ZNRF2: variants seen among roughly 807,000 people sequenced by gnomAD.
ZNRF2 encodes zinc and ring finger 2.
ZNRF2 carries 16 observed loss-of-function variants against 20.4 expected under a neutral mutation model. The ratio of observed to expected loss-of-function variants is 0.79; its 90% CI spans 0.53 to 1.19. The LOEUF (loss-of-function observed/expected upper bound fraction) is 1.19, where lower values mean the gene tolerates loss of function less well. Ranked by LOEUF, ZNRF2 falls within the 50% of genes most tolerant of loss-of-function variation. The pLI is 0.00. For synonymous variants in ZNRF2, 178 were observed against 144.9 expected (o/e 1.23, Z -1.64); for missense variants, 363 against 332.4 (o/e 1.09, Z -0.72).
intron 3 of ZNRF2, among the ~76,000 whole-genome samples, chr7:30,357,618 T>C (rs182316551): frequency 1.3e-5 from 2 of 152,116 alleles, no homozygotes; most frequent in Admixed American, 6.5e-5. Flanking sequence ...AATTTTAAAA[T>C]GACACACTAG....
chr7:30,323,576 G>A, intron 1 of ZNRF2, 66 bp from the exon 2 acceptor site: 1 of 1,074,410 alleles, frequency 9.3e-7, no homozygotes, highest in Non-Finnish European at 1.3e-6. Context: ...GATTTTCCAT[G>A]CTTTTTAAAA....
At chr7:30,343,867 T>TTCTG (rs1419330766) in intron 2 of ZNRF2, among the ~76,000 whole-genome samples, 1 of 151,676 alleles carries the variant, frequency 6.6e-6, no homozygotes, top group Non-Finnish European at 1.5e-5. Flanking sequence ...TCATTATACT[T>TTCTG]TCTGGTTTCA....
chr7:30,312,295 A>T (rs976406629), intron 1 of ZNRF2, among the ~76,000 whole-genome samples: 1 of 152,100 alleles, frequency 6.6e-6, no homozygotes, highest in Non-Finnish European at 1.5e-5. Flanking sequence ...AGGATTTTTA[A>T]ATAGGTATTT....
At chr7:30,349,340 A>C (rs1799929628) in intron 2 of ZNRF2, among the ~76,000 whole-genome samples, 1 of 152,180 alleles carries the variant, frequency 6.6e-6, no homozygotes, top group Non-Finnish European at 1.5e-5. Flanking sequence ...AAGGATCCTA[A>C]GAGACAGGTC....
rs1467748395 is a variant in ZNRF2, at chr7:30,285,013, G to A, written c.-345G>A. ...GAGCGCGGCAGCAGAGAGCGGTAGC[G>A]GCCCGTCGTGGCGCACCAGAACCGA... On this transcript the variant is annotated 5_prime_UTR_variant, in exon 1 of 5. Transcript: ENST00000323037. 3.0e-5 allele frequency: 12 copies of A among 396,444 alleles called. No individual in the cohort carries two copies. Among genetic ancestry groups the A allele is most frequent in the South Asian group, 1.9e-4 (11 of 58,764 alleles). The allele number at this position is 396,444 out of a possible 1,614,324, so 24.6% of individuals were successfully genotyped here.
chr7:30,316,195 G>A (rs1426412160), intron 1 of ZNRF2, among the ~76,000 whole-genome samples: 1 of 144,210 alleles, frequency 6.9e-6, no homozygotes, highest in Non-Finnish European at 1.5e-5. Context: ...TGCTGAGGCA[G>A]GAGAACTGCT....
At chr7:30,351,917 C>T (rs559884148) in intron 2 of ZNRF2, among the ~76,000 whole-genome samples, 6 of 152,032 alleles carry the variant, frequency 3.9e-5, no homozygotes, top group Admixed American at 3.9e-4. Context: ...TAATAGGCGC[C>T]TAAGTTCCTG....
intron 1 of ZNRF2, among the ~76,000 whole-genome samples, chr7:30,298,925 ATTC>A (rs1799062275): frequency 6.6e-6 from 1 of 152,138 alleles, no homozygotes; most frequent in Non-Finnish European, 1.5e-5. Context: ...GAAAATTATT[ATTC>A]TTTAATTTTC....
At chr7:30,355,860 T>C in intron 3 of ZNRF2, 27 bp downstream of exon 3, 1 of 1,551,578 alleles carries the variant, frequency 6.4e-7, no homozygotes, top group Non-Finnish European at 8.9e-7. Context: ...GGTATTAGAG[T>C]AAAAGATTGT....
intron 1 of ZNRF2, among the ~76,000 whole-genome samples, chr7:30,307,550 A>T (rs182966864): frequency 1.6e-4 from 25 of 151,812 alleles, no homozygotes; most frequent in African/African-American, 6.0e-4. Flanking sequence ...AGTCCATTGA[A>T]TGATACTGTT....
At chr7:30,295,014 G>GGAGAGAGA (rs1161510140) in intron 1 of ZNRF2, among the ~76,000 whole-genome samples, 415 of 24,984 alleles carry the variant, frequency 0.017, 30 homozygotes, top group Admixed American at 0.034. Context: ...AGGGAGGGAA[G>GGAGAGAGA]GAGAGAGAGA....
intron 1 of ZNRF2, among the ~76,000 whole-genome samples, chr7:30,314,660 GTGCCTGCTTTTCT>G (rs1799340533): frequency 6.6e-6 from 1 of 152,064 alleles, no homozygotes; most frequent in Admixed American, 6.6e-5. Flanking sequence ...ATAAAAATGT[GTGCCTGCTTTTCT>G]TGCATTTTAT....
In ZNRF2 at chr7:30,334,970, G is replaced by A. The variant is rs541716773; in HGVS notation, c.565+11233G>A. 2.0e-5 allele frequency among the ~76,000 whole-genome samples: 3 copies of A among 151,982 alleles called. No homozygotes were observed. The South Asian group carries it at 6.2e-4, about 32-fold the overall frequency. ...ATGCTATAAAAGTACATGGATAAAT[G>A]TATTTATGTTGAGGTACTTTTTTTT... On this transcript the variant is annotated intron_variant, in intron 2 of 4. Transcript: ENST00000323037.
At chr7:30,312,328 A>G (rs1410057253) in intron 1 of ZNRF2, among the ~76,000 whole-genome samples, 2 of 152,152 alleles carry the variant, frequency 1.3e-5, no homozygotes, top group Non-Finnish European at 2.9e-5. Flanking sequence ...TACTGGTTAC[A>G]TCCTGATAGT....
At chr7:30,296,603 G>C (rs13307899) in intron 1 of ZNRF2, among the ~76,000 whole-genome samples, 1 of 152,162 alleles carries the variant, frequency 6.6e-6, no homozygotes, top group African/African-American at 2.4e-5. Context: ...TAATTCTCCA[G>C]ATTTCCTGTC....
chr7:30,284,757 C>T lies in ZNRF2; in HGVS notation c.-601C>T, dbSNP rs1231234170. 2 of 178,012 alleles carry T rather than the reference C, an allele frequency of 1.1e-5. No individual in the cohort carries two copies. Among genetic ancestry groups the T allele is most frequent in the Admixed American group, 6.5e-5 (1 of 15,344 alleles). 11.0% of individuals were successfully genotyped at this position (178,012 alleles called of 1,614,324 possible). On this transcript the variant is annotated 5_prime_UTR_variant, in exon 1 of 5. Coordinates refer to ENST00000323037, the MANE Select transcript of ZNRF2 (RefSeq NM_147128.4). The stretch of plus-strand genomic sequence containing the variant: ...GCAGGGGGAGCGAGGCGACGGTTGC[C>T]GGGAAGCGCGCGCCACCTCTCCCTC...
intron 2 of ZNRF2, among the ~76,000 whole-genome samples, chr7:30,335,906 CA>C (rs1799710369): frequency 6.6e-6 from 1 of 151,776 alleles, no homozygotes; most frequent in Non-Finnish European, 1.5e-5. Context: ...GGGAAAGAGG[CA>C]AATGTCAGAG....
intron 1 of ZNRF2, among the ~76,000 whole-genome samples, chr7:30,299,834 C>T (rs1223728612): frequency 7.0e-6 from 1 of 142,384 alleles, no homozygotes; most frequent in Admixed American, 7.3e-5. Flanking sequence ...GGCTGGAGTG[C>T]AGTGGCATGG....
chr7:30,314,511 G>A (rs1799337019), intron 1 of ZNRF2, among the ~76,000 whole-genome samples: 1 of 151,982 alleles, frequency 6.6e-6, no homozygotes, highest in Admixed American at 6.6e-5. Context: ...GGAGTGAGGT[G>A]GAGGAGACAA....
Sources: gnomAD v4.1 joint callset for allele counts (sites outside exome capture counted in the v4.1 genomes callset) on GRCh38, gnomAD v4.1.1 for gene constraint, MANE v1.5 for transcripts, NCBI Gene and HGNC (gene_info 2026-07-23, HGNC 2026-07-21) for gene names.